UTP6: variants seen among roughly 807,000 people sequenced by gnomAD.
UTP6 encodes the protein UTP6 small subunit processome component, also known as U3 small nucleolar RNA-associated protein 6 homolog.
A neutral mutation model predicts 96.5 loss-of-function variants in UTP6; 60 were observed. The observed-to-expected ratio is 0.62, with a 90% CI of 0.51 to 0.77. The LOEUF is 0.77. UTP6 is among the 30% of genes least tolerant of loss of function. UTP6 has a pLI of 0.00. For synonymous variants in UTP6, 215 were observed against 240.1 expected (o/e 0.90, Z 0.96); for missense variants, 637 against 706.5 (o/e 0.90, Z 1.12).
chr17:31,894,913 C>T (rs1904544855), intron 3 of UTP6, 57 bp downstream of exon 3: 5 of 1,450,508 alleles, frequency 3.4e-6, no homozygotes, highest in Non-Finnish European at 4.8e-6. Flanking sequence ...CCTAACTATA[C>T]AGCCATACTG....
At chr17:31,871,374 C>T (rs1015864198) in intron 16 of UTP6, among the ~76,000 whole-genome samples, 1 of 152,096 alleles carries the variant, frequency 6.6e-6, no homozygotes, top group African/African-American at 2.4e-5. Flanking sequence ...CCTCTTGTCT[C>T]AGTCTCCCAA....
chr17:31,864,648 G>T (rs747501120), intron 18 of UTP6, among the ~76,000 whole-genome samples: 1 of 152,090 alleles, frequency 6.6e-6, no homozygotes, highest in Non-Finnish European at 1.5e-5. Context: ...TTTGAGACAG[G>T]ATCTCATTGT....
intron 9 of UTP6, 47 bp from the exon 10 acceptor site, chr17:31,884,552 CACTTT>C (rs762785369): frequency 1.5e-5 from 21 of 1,426,774 alleles, no homozygotes; most frequent in Non-Finnish European, 2.0e-5. Context: ...CAATAAGAAT[CACTTT>C]ACTTTAAAAG....
In UTP6 at chr17:31,899,729, C is replaced by A. The variant is rs76761783; in HGVS notation, c.94G>T (p.Ala32Ser). 1 of 1,571,070 alleles carries A rather than the reference C, an allele frequency of 6.4e-7. No homozygotes were observed. Among genetic ancestry groups the A allele is most frequent in the Non-Finnish European group, 8.6e-7 (1 of 1,160,924 alleles). The part of the protein sequence containing the change: ...IGLFSHAEIK[A>S]IIKKASDLEY... ...AGATCGGAAGCCTTCTTAATGATAG[C>A]CCTGAGGAGAAAGCCATTTAAACTT... Residue 32 changes from alanine (A) to serine (S), a missense_variant and splice_region_variant, in exon 2 of 19, where the codon GCT becomes TCT. Physicochemically the swap from Ala to Ser is moderately conservative, Grantham distance 99. Transcript: ENST00000261708.
At chr17:31,894,761 G>A (rs1242846358) in intron 3 of UTP6, 24 bp from the exon 4 acceptor site, 12 of 1,578,140 alleles carry the variant, frequency 7.6e-6, no homozygotes, top group Non-Finnish European at 9.5e-6. Context: ...TAAAAAAACA[G>A]AGCCTCAACT....
chr17:31,883,464 C>T (rs1056557095), intron 10 of UTP6, among the ~76,000 whole-genome samples: 4 of 151,706 alleles, frequency 2.6e-5, no homozygotes, highest in Non-Finnish European at 2.9e-5. Flanking sequence ...TACAGGTATG[C>T]GCCACCACGC....
intron 2 of UTP6, 35 bp from the exon 3 acceptor site, chr17:31,895,046 T>C (rs756860710): frequency 1.4e-6 from 2 of 1,466,214 alleles, no homozygotes; most frequent in Non-Finnish European, 1.8e-6. Context: ...AATGAGAAGC[T>C]AGAAAATCTA....
intron 16 of UTP6, among the ~76,000 whole-genome samples, chr17:31,869,684 T>C (rs1412292903): frequency 6.6e-6 from 1 of 152,190 alleles, no homozygotes; most frequent in Non-Finnish European, 1.5e-5. Context: ...TCAACTTTTA[T>C]TTTAGATTCA....
In UTP6 at chr17:31,863,501, T is replaced by G; in HGVS notation, c.1652A>C (p.Tyr551Ser). 5 of 1,609,176 alleles carry G rather than the reference T, an allele frequency of 3.1e-6. No individual in the cohort carries two copies. Among genetic ancestry groups the G allele is most frequent in the Non-Finnish European group, 4.2e-6 (5 of 1,178,512 alleles). Residue 551 changes from tyrosine (Y) to serine (S), a missense_variant, in exon 19 of 19, where the codon TAT (tyrosine) becomes TCT (serine). Physicochemically the swap from Tyr to Ser is moderately radical, Grantham distance 144. Transcript: ENST00000261708. ...GGGGTGGTTCAATTCTTCTTTCATATAATCCATCCAAAGATCTTTTAAAAA... is the reference window on the plus strand; with the variant it reads ...GGGGTGGTTCAATTCTTCTTTCATAGAATCCATCCAAAGATCTTTTAAAAA... ...GSADSDLWMD[Y>S]MKEELNHPLG...
chr17:31,898,625 G>A (rs1319844874), intron 2 of UTP6, among the ~76,000 whole-genome samples: 1 of 152,166 alleles, frequency 6.6e-6, no homozygotes, highest in Non-Finnish European at 1.5e-5. Flanking sequence ...TTGAACCCAG[G>A]AGGCGGAGGT....
At chr17:31,886,165 G>C in intron 8 of UTP6, 104 bp from the exon 9 acceptor site, 1 of 876,082 alleles carries the variant, frequency 1.1e-6, no homozygotes, top group South Asian at 1.5e-5. Context: ...ATGACCACTG[G>C]TAAATCATGT....
chr17:31,869,336 C>T (rs1397984302), intron 16 of UTP6, among the ~76,000 whole-genome samples: 2 of 151,874 alleles, frequency 1.3e-5, no homozygotes, highest in African/African-American at 2.4e-5. Flanking sequence ...TGGCTAATTG[C>T]TTTTCATTTT....
chr17:31,901,676 G>T lies in UTP6; in HGVS notation c.-49C>A. On this transcript the variant is annotated 5_prime_UTR_variant, in exon 1 of 19. Coordinates refer to ENST00000261708, the MANE Select transcript of UTP6 (RefSeq NM_018428.3). ...CGGGTAGCTTCTCAACAGCGAACAC[G>T]AGCAGGAAGCTCCCGGTTTCAGGTT... 1.9e-6 allele frequency: 3 copies of T among 1,578,598 alleles called. No individual in the cohort carries two copies. Among genetic ancestry groups the T allele is most frequent in the Non-Finnish European group, 2.6e-6 (3 of 1,152,880 alleles).
chr17:31,871,519 AG>A (rs1243055463), intron 16 of UTP6, among the ~76,000 whole-genome samples: 1 of 152,084 alleles, frequency 6.6e-6, no homozygotes, highest in Non-Finnish European at 1.5e-5. Flanking sequence ...AGGCCAAGGC[AG>A]GAAGATCACT....
intron 2 of UTP6, among the ~76,000 whole-genome samples, chr17:31,896,119 C>A (rs1301411839): frequency 1.3e-5 from 2 of 151,702 alleles, no homozygotes; most frequent in Non-Finnish European, 2.9e-5. Context: ...GCTCTGTCGC[C>A]CAGGCTGAAG....
chr17:31,892,638 T>C, intron 5 of UTP6, 109 bp downstream of exon 5: 1 of 1,373,190 alleles, frequency 7.3e-7, no homozygotes, highest in South Asian at 1.3e-5. Context: ...CTTGGGTTCT[T>C]TTTTCATGTT....
At position 31,863,224 on chromosome 17, in the gene UTP6, A is replaced by G. The variant is rs1407577574; in HGVS notation, c.*135T>C. On this transcript the variant is annotated 3_prime_UTR_variant, in exon 19 of 19. Transcript: ENST00000261708. ...AAAAAGATTTAACAAGTTAACATAAAATTAAAGTGTGTCTCAAAACCAGAC... is the reference window on the plus strand; with the variant it reads ...AAAAAGATTTAACAAGTTAACATAAGATTAAAGTGTGTCTCAAAACCAGAC... 1.1e-6 allele frequency: 1 copy of G among 911,976 alleles called. No homozygotes were observed. Among genetic ancestry groups the G allele is most frequent in the African/African-American group, 1.7e-5 (1 of 59,792 alleles). 56.5% of individuals were successfully genotyped at this position (911,976 alleles called of 1,614,324 possible).
At chr17:31,871,539 TAA>T (rs776599678) in intron 16 of UTP6, among the ~76,000 whole-genome samples, 7 of 151,718 alleles carry the variant, frequency 4.6e-5, no homozygotes, top group Non-Finnish European at 7.4e-5. Flanking sequence ...CTGGAAGCCA[TAA>T]GGTCAAGATC....
chr17:31,889,424 G>A (rs1567790018), intron 6 of UTP6, 21 bp from the exon 7 acceptor site: 7 of 1,555,230 alleles, frequency 4.5e-6, no homozygotes, highest in Admixed American at 1.8e-5. Flanking sequence ...AAAACCATCA[G>A]ATTTCATTTC....
Sources: allele counts gnomAD v4.1 joint callset (sites outside exome capture counted in the v4.1 genomes callset), GRCh38; gene constraint gnomAD v4.1.1; transcripts MANE v1.5; gene names NCBI Gene and HGNC (gene_info 2026-07-23, HGNC 2026-07-21).